Variants in CROCC2 observed in about 807,000 individuals in gnomAD.
CROCC2 encodes ciliary rootlet coiled-coil, rootletin family member 2, also known as ciliary rootlet coiled-coil protein 2.
CROCC2 carries 163 observed loss-of-function variants against 177.6 expected under a neutral mutation model. That is an observed-to-expected ratio of 0.92 (90% confidence interval 0.81 to 1.05). The LOEUF (loss-of-function observed/expected upper bound fraction) is 1.05. Ranked by LOEUF, CROCC2 falls within the 50% of genes least tolerant of loss-of-function variation. CROCC2 has a pLI of 0.00. For synonymous variants in CROCC2, 904 were observed against 787.3 expected, an observed-to-expected ratio of 1.15 and a Z score of -2.48; for missense variants, 1,929 against 1,797.8, an observed-to-expected ratio of 1.07 and a Z score of -1.32.
chr2:240,906,549 C>T lies in CROCC2; in HGVS notation c.36C>T (p.Asp12=), dbSNP rs13431297. ...CCTCCAGTGAGCCTGGCAATGGGGA[C>T]GCCTCCCAACAGCCCCTACTGGGGC... The part of the protein sequence containing the change: ...SSASSEPGNG[D]ASQQPLLGLD... Residue 12 remains aspartate (D), a synonymous_variant, in exon 1 of 32, where the codon GAC becomes GAT. Transcript: ENST00000690015. The T allele has an allele frequency of 3.6e-3, 1,456 of 399,122 alleles. 20 individuals carry two copies. Among genetic ancestry groups the T allele is most frequent in the African/African-American group, 0.026 (1,270 of 48,738 alleles). The allele number at this position is 399,122 out of a possible 1,614,324, so 24.7% of individuals were successfully genotyped here.
In CROCC2 at chr2:240,951,213, G is replaced by A. The variant is rs111209967; in HGVS notation, c.2829+703G>A. Among the ~76,000 whole-genome samples, 53 of 134,224 alleles carry A rather than the reference G, an allele frequency of 3.9e-4. 1 individual carries two copies. Among genetic ancestry groups the A allele is most frequent in the African/African-American group, 1.1e-3 (40 of 34,914 alleles). 88.1% of individuals were successfully genotyped at this position (134,224 alleles called of 152,430 possible). ...TGTCCATCCATTCATTCATCCATCC[G>A]TCTGTCCATCCATTCACCCATCCAT... On this transcript the variant is annotated intron_variant, in intron 18 of 31. Coordinates refer to ENST00000690015, the MANE Select transcript of CROCC2 (RefSeq NM_001351305.2).
At chr2:240,991,954 G>A (rs1218255063) in intron 31 of CROCC2, among the ~76,000 whole-genome samples, 2 of 152,218 alleles carry the variant, frequency 1.3e-5, no homozygotes, top group Non-Finnish European at 2.9e-5. Context: ...GGTGGCAGGT[G>A]GCTGGAAGTG....
At chr2:240,928,362 C>G (rs536793202) in intron 5 of CROCC2, among the ~76,000 whole-genome samples, 1 of 151,728 alleles carries the variant, frequency 6.6e-6, no homozygotes, top group African/African-American at 2.4e-5. Context: ...TGTTTAACTC[C>G]GACATTCTGG....
intron 3 of CROCC2, among the ~76,000 whole-genome samples, chr2:240,921,695 GCATCTC>G (rs2059358278): frequency 1.3e-5 from 2 of 152,308 alleles, no homozygotes; most frequent in South Asian, 4.1e-4. Context: ...CCTGACCATG[GCATCTC>G]CATCCTGGGG....
chr2:240,939,711 C>T (rs1382407985), intron 14 of CROCC2, among the ~76,000 whole-genome samples: 2 of 151,972 alleles, frequency 1.3e-5, no homozygotes, highest in African/African-American at 4.8e-5. Context: ...ATTTATGTTT[C>T]TTCATCTGCA....
At chr2:240,952,854 G>T (rs77759869) in intron 18 of CROCC2, among the ~76,000 whole-genome samples, 2 of 151,932 alleles carry the variant, frequency 1.3e-5, no homozygotes, top group African/African-American at 4.8e-5. Flanking sequence ...GGGTCCATGC[G>T]AGAGGGGCTG....
intron 27 of CROCC2, among the ~76,000 whole-genome samples, chr2:240,974,880 TG>T (rs1315762916): frequency 1.3e-5 from 2 of 152,198 alleles, no homozygotes; most frequent in Non-Finnish European, 2.9e-5. Flanking sequence ...TTCTTAAATT[TG>T]GGGGTTATTT....
chr2:240,940,504 A>G (rs997654992), intron 14 of CROCC2, among the ~76,000 whole-genome samples: 1 of 152,210 alleles, frequency 6.6e-6, no homozygotes, highest in African/African-American at 2.4e-5. Context: ...CACCATGATC[A>G]AGTGGGTTTC....
Position 240,917,886 on chromosome 2 carries a change from T to G in CROCC2, c.79-840T>G, listed in dbSNP as rs1025158095. Among the ~76,000 whole-genome samples the G allele has an allele frequency of 6.6e-6, 1 of 152,172 alleles. No individual in the cohort carries two copies. Among genetic ancestry groups the G allele is most frequent in the African/African-American group, 2.4e-5 (1 of 41,450 alleles). The stretch of plus-strand genomic sequence containing the variant: ...CCCACAGTCGGTAATCTATTTCACC[T>G]GGCAGGAGTCCCCTGCCCTGGGGTC... On this transcript the variant is annotated intron_variant, in intron 1 of 31. Coordinates refer to ENST00000690015, the MANE Select transcript of CROCC2 (RefSeq NM_001351305.2). This position sits in a 1 kb window ranked among gnomAD's most constrained non-coding sequence, Gnocchi z 4.9.
intron 19 of CROCC2, chr2:240,959,024 A>T: frequency 2.6e-6 from 1 of 384,318 alleles, no homozygotes. Flanking sequence ...GCCCTGCCCC[A>T]GGGCGCAGGC....
intron 24 of CROCC2, 89 bp from the exon 25 acceptor site, chr2:240,966,136 C>T (rs1320602804): frequency 8.0e-6 from 10 of 1,255,184 alleles, no homozygotes; most frequent in Non-Finnish European, 1.0e-5. Flanking sequence ...CCCAACCTCC[C>T]ATGGCTGGGG....
intron 27 of CROCC2, among the ~76,000 whole-genome samples, chr2:240,975,720 T>C (rs1024401046): frequency 3.5e-5 from 2 of 57,264 alleles, no homozygotes; most frequent in African/African-American, 1.9e-4. Flanking sequence ...ACCAGCCTGC[T>C]TTTTTTTTTT....
chr2:240,933,395 G>C, intron 10 of CROCC2, 53 bp downstream of exon 10: 1 of 1,423,944 alleles, frequency 7.0e-7, no homozygotes, highest in South Asian at 1.5e-5. Context: ...GGGATCCTGA[G>C]GGCCCAGGGC....
intron 27 of CROCC2, among the ~76,000 whole-genome samples, chr2:240,975,728 T>TC: frequency 7.0e-6 from 1 of 142,638 alleles, no homozygotes. Flanking sequence ...GCTTTTTTTT[T>TC]TTTTTTTTTT....
At chr2:240,963,244 C>T (rs530483990) in intron 20 of CROCC2, 47 of 419,372 alleles carry the variant, frequency 1.1e-4, no homozygotes, top group Admixed American at 9.1e-4. Context: ...TGAGCCGCAT[C>T]CCAGGTAGGC....
chr2:240,970,354 T>C (rs1188098355), intron 27 of CROCC2, among the ~76,000 whole-genome samples: 4 of 152,264 alleles, frequency 2.6e-5, no homozygotes, highest in Non-Finnish European at 1.5e-5. Context: ...AATCTCACCT[T>C]AGAGTCTCTG....
intron 19 of CROCC2, 63 bp from the exon 20 acceptor site, chr2:240,959,238 A>G: frequency 6.6e-7 from 1 of 1,526,038 alleles, no homozygotes; most frequent in African/African-American, 1.4e-5. Context: ...TCCTGGCCTT[A>G]CCTCACCCTC....
At chr2:240,965,282 G>A (rs1367781069) in intron 22 of CROCC2, 99 bp from the exon 23 acceptor site, 1 of 1,490,488 alleles carries the variant, frequency 6.7e-7, no homozygotes, top group Non-Finnish European at 9.0e-7. Flanking sequence ...GTGGCCAGCT[G>A]CCCTCAAGGG....
At chr2:240,936,791 C>T (rs900176353) in intron 14 of CROCC2, among the ~76,000 whole-genome samples, 1 of 152,174 alleles carries the variant, frequency 6.6e-6, no homozygotes, top group African/African-American at 2.4e-5. Flanking sequence ...TGATGTGACT[C>T]CCTTCTACTG....
Sources: gnomAD v4.1 joint callset for allele counts (sites outside exome capture counted in the v4.1 genomes callset) on GRCh38, gnomAD v4.1.1 for gene constraint, Gnocchi (gnomAD v3.1) non-coding constraint, MANE v1.5 for transcripts, NCBI Gene and HGNC (gene_info 2026-07-23, HGNC 2026-07-21) for gene names.